Variants in ARID3A observed in about 807,000 individuals in gnomAD.
The protein encoded by ARID3A is AT-rich interaction domain 3A.
Under a neutral mutation model 52.7 loss-of-function variants are expected in ARID3A, and 11 were observed. The ratio of observed to expected loss-of-function variants is 0.21; its 90% CI spans 0.13 to 0.35. ARID3A has a LOEUF of 0.35. ARID3A is among the 10% of genes least tolerant of loss of function. The probability of loss-of-function intolerance (pLI) is 1.00; values close to 1 mark genes in which losing one functional copy is unlikely to be tolerated. For missense variants in ARID3A, 721 were observed against 838.5 expected (o/e 0.86, Z 1.73); for synonymous variants, 404 against 359.4 (o/e 1.12, Z -1.40).
At chr19:930,908 G>C (rs1030022538) in intron 2 of ARID3A, among the ~76,000 whole-genome samples, 7 of 152,206 alleles carry the variant, frequency 4.6e-5, no homozygotes, top group Non-Finnish European at 8.8e-5. Context: ...GGCTGGACCT[G>C]CATAGCGTGT....
At chr19:951,964 C>T (rs1006397860) in intron 3 of ARID3A, among the ~76,000 whole-genome samples, 6 of 151,512 alleles carry the variant, frequency 4.0e-5, no homozygotes, top group South Asian at 2.1e-4. Context: ...GGTGAAACCC[C>T]GTCTCTGCAA....
intron 2 of ARID3A, 141 bp downstream of exon 2, chr19:930,037 G>T: frequency 7.9e-7 from 1 of 1,266,706 alleles, no homozygotes; most frequent in Admixed American, 2.4e-5. Flanking sequence ...GCCGACGTGG[G>T]AGGATCACGT....
chr19:968,604 T>G, intron 8 of ARID3A, 101 bp downstream of exon 8: 4 of 1,087,478 alleles, frequency 3.7e-6, no homozygotes, highest in Non-Finnish European at 5.5e-6. Flanking sequence ...TGAACCTAGG[T>G]GTGCGGGCGA....
At chr19:970,649 A>G (rs184064852) in intron 8 of ARID3A, among the ~76,000 whole-genome samples, 109 of 151,508 alleles carry the variant, frequency 7.2e-4, no homozygotes, top group African/African-American at 2.6e-3. Flanking sequence ...TAATTTTTGT[A>G]TTTTTAGATG....
chr19:974,663 C>T lies in ARID3A; in HGVS notation c.*2598C>T, dbSNP rs2038344729. 4.3e-6 allele frequency: 1 copy of T among 231,150 alleles called. No individual in the cohort carries two copies. The allele number at this position is 231,150 out of a possible 1,614,324, so 14.3% of individuals were successfully genotyped here. A position where few individuals can be genotyped will look rare whatever the true frequency, so the allele number is the denominator to read the frequency against. On this transcript the variant is annotated 3_prime_UTR_variant, in exon 9 of 9. Transcript: ENST00000263620. ...CTGGCGGCCCTGGACCCCTGGGGCC[C>T]CCGTGCACCTGCCCACCTCGGAGCC...
Position 929,363 on chromosome 19 carries a change from GCCCCC to G in ARID3A, c.-165_-161del. The G allele has an allele frequency of 2.9e-4, 76 of 259,242 alleles. No homozygotes were observed. Among genetic ancestry groups the G allele is most frequent in the Non-Finnish European group, 4.3e-4 (65 of 151,208 alleles). The allele number at this position is 259,242 out of a possible 1,614,324, so 16.1% of individuals were successfully genotyped here. A position where few individuals can be genotyped will look rare whatever the true frequency, so the allele number is the denominator to read the frequency against. ...ATCAGCCTTCAGCTTGAGCCCGGCG[GCCCCC>G]GCCCCCGCCCCCTGCCACCCTGCAC... On this transcript the variant is annotated 5_prime_UTR_variant, in exon 2 of 9. Transcript: ENST00000263620. The surrounding 1 kb of genome is among the most constrained non-coding windows in gnomAD (Gnocchi z 6.2).
chr19:971,964 G>T lies in ARID3A; in HGVS notation c.1681G>T (p.Ala561Ser). ...CGGCGGCGGCGGCAGCAGCAGCAAC[G>T]CAGGCGGCCGGGGAGGAAACACCGG... ...GGGGGGSSSN[A>S]GGRGGNTGTS... Residue 561 changes from alanine (A) to serine (S), a missense_variant, in exon 9 of 9, where the codon GCA becomes TCA. Physicochemically the swap from Ala to Ser is moderately conservative, Grantham distance 99. This residue lies in a region of ARID3A where 297 missense variants were observed against 343.2 expected (regional missense o/e 0.87). Transcript: ENST00000263620. 6.2e-7 allele frequency: 1 copy of T among 1,600,134 alleles called. No homozygotes were observed. Among genetic ancestry groups the T allele is most frequent in the Non-Finnish European group, 8.5e-7 (1 of 1,174,028 alleles).
intron 6 of ARID3A, chr19:965,345 AT>A: frequency 2.2e-6 from 1 of 447,162 alleles, no homozygotes; most frequent in African/African-American, 2.0e-5. Context: ...GACATTACTA[AT>A]TGATCACTGT....
intron 3 of ARID3A, among the ~76,000 whole-genome samples, chr19:951,724 A>C (rs2037806782): frequency 6.6e-6 from 1 of 152,126 alleles, no homozygotes; most frequent in African/African-American, 2.4e-5. Flanking sequence ...GCGGCTGCTG[A>C]CTCAGATCTA....
At chr19:965,228 C>T (rs1228577573) in intron 6 of ARID3A, 148 bp downstream of exon 6, 1 of 934,454 alleles carries the variant, frequency 1.1e-6, no homozygotes, top group African/African-American at 1.7e-5. Flanking sequence ...TCTACCAGTC[C>T]TCTGCCTATG....
At chr19:971,749 T>C in intron 8 of ARID3A, 129 bp from the exon 9 acceptor site, 1 of 1,214,100 alleles carries the variant, frequency 8.2e-7, no homozygotes, top group Admixed American at 2.8e-5. Flanking sequence ...ATGCCACCAC[T>C]GCACTCTAGC....
chr19:927,739 G>A (rs2037231479), intron 1 of ARID3A, among the ~76,000 whole-genome samples: 1 of 152,122 alleles, frequency 6.6e-6, no homozygotes, highest in Non-Finnish European at 1.5e-5. Context: ...GCTGGGTGCC[G>A]CCCTGGTGGC....
At chr19:933,725 G>A (rs1250905873) in intron 3 of ARID3A, among the ~76,000 whole-genome samples, 1 of 151,922 alleles carries the variant, frequency 6.6e-6, no homozygotes, top group South Asian at 2.1e-4. Flanking sequence ...TTAAGGGGCG[G>A]CCCTAACCCC....
chr19:936,624 C>T (rs914733453), intron 3 of ARID3A, among the ~76,000 whole-genome samples: 1 of 152,084 alleles, frequency 6.6e-6, no homozygotes, highest in South Asian at 2.1e-4. Context: ...AGGCGGATCA[C>T]GAGGTCAGGA....
At chr19:930,482 G>A (rs1321902900) in intron 2 of ARID3A, among the ~76,000 whole-genome samples, 1 of 150,780 alleles carries the variant, frequency 6.6e-6, no homozygotes, top group Non-Finnish European at 1.5e-5. Flanking sequence ...AACCTGGGAG[G>A]TGAAGATTGC....
rs1431572378 is a variant in ARID3A, at chr19:964,517, TG to T, written c.950+89del. On this transcript the variant is annotated intron_variant, in intron 5 of 8. Transcript: ENST00000263620. The surrounding 1 kb of genome is among the most constrained non-coding windows in gnomAD (Gnocchi z 5.7). ...GGCCTGCAGAAGAGGGAGGGGGTGG[TG>T]GGCAGCTGCAGAGGAGGGGGCAGTG... 39 of 1,453,054 alleles carry T rather than the reference TG, an allele frequency of 2.7e-5. No homozygotes were observed. The highest frequency in any genetic ancestry group is 4.2e-5 in the African/African-American group (3 of 70,846). The allele number at this position is 1,453,054 out of a possible 1,614,324, so 90.0% of individuals were successfully genotyped here. A position where few individuals can be genotyped will look rare whatever the true frequency, so the allele number is the denominator to read the frequency against.
At chr19:967,217 C>G (rs1009788350) in intron 7 of ARID3A, among the ~76,000 whole-genome samples, 1 of 151,986 alleles carries the variant, frequency 6.6e-6, no homozygotes, top group Admixed American at 6.6e-5. Flanking sequence ...GAGATAACGC[C>G]ACTGCACTCC....
intron 3 of ARID3A, among the ~76,000 whole-genome samples, chr19:953,741 C>A (rs185073589): frequency 1.3e-5 from 2 of 151,874 alleles, no homozygotes; most frequent in Admixed American, 1.3e-4. Context: ...GGAACAGCGC[C>A]GCGGAGGCCC....
rs530350426 is a variant in ARID3A at position 933,602 on chromosome 19, C to T, written c.693+860C>T. Among the ~76,000 whole-genome samples the T allele has an allele frequency of 4.0e-4, 61 of 152,266 alleles. No individual in the cohort carries two copies. In the South Asian group the frequency reaches 0.011, roughly 26 times the overall value. On this transcript the variant is annotated intron_variant, in intron 3 of 8. Transcript: ENST00000263620. ...GGGACATGCCTGCCTCGGGGCAGCCCCTTCGGCCCTGGGCTTCCAGAATCC... is the reference window on the plus strand; with the variant it reads ...GGGACATGCCTGCCTCGGGGCAGCCTCTTCGGCCCTGGGCTTCCAGAATCC...
Sources: gnomAD v4.1 joint callset for allele counts (sites outside exome capture counted in the v4.1 genomes callset) on GRCh38, gnomAD v4.1.1 for gene constraint, gnomAD v4.1.1 regional missense constraint, Gnocchi (gnomAD v3.1) non-coding constraint, MANE v1.5 for transcripts, NCBI Gene and HGNC (gene_info 2026-07-23, HGNC 2026-07-21) for gene names.